TOP1: variants seen among roughly 807,000 people sequenced by gnomAD.
The protein encoded by TOP1 is DNA topoisomerase 1.
In TOP1, 10 loss-of-function variants were observed where a neutral mutation model predicts 111.1. That is an observed-to-expected ratio of 0.09 (90% CI 0.06 to 0.15). TOP1 has a LOEUF of 0.15. Ranked by LOEUF, TOP1 falls within the 10% of genes least tolerant of loss-of-function variation. The pLI is 1.00. For synonymous variants in TOP1, 271 were observed against 302.9 expected (o/e 0.89, Z 1.10); for missense variants, 474 against 926.7 (o/e 0.51, Z 6.34).
Position 41,101,258 on chromosome 20 carries a change from C to A in TOP1, c.1213C>A (p.Arg405=), listed in dbSNP as rs2145953059. The change falls in exon 13 of 21, where the codon CGG becomes AGG. Residue 405 remains arginine, a synonymous_variant. Transcript: ENST00000361337. The surrounding 1 kb of genome is among the most constrained non-coding windows in gnomAD (Gnocchi z 4.1). ...PPPGHKWKEV[R]HDNKVTWLVS... is the part of the protein sequence containing the mutation. ...TCCAGGACATAAGTGGAAAGAAGTC[C>A]GGCATGATAACAAGGTTACTTGGCT... 6.2e-7 allele frequency: 1 copy of A among 1,614,052 alleles called. No individual in the cohort carries two copies. Among genetic ancestry groups the A allele is most frequent in the African/African-American group, 1.3e-5 (1 of 75,022 alleles).
intron 13 of TOP1, among the ~76,000 whole-genome samples, chr20:41,111,523 G>T (rs759053098): frequency 6.6e-6 from 1 of 151,866 alleles, no homozygotes; most frequent in Non-Finnish European, 1.5e-5. Flanking sequence ...TTGAGAAGTG[G>T]AAGACATTCT....
rs2122586076 is a variant in TOP1, at chr20:41,034,887, T to C, written c.58+5432T>C. Among the ~76,000 whole-genome samples the C allele has an allele frequency of 6.6e-6, 1 of 152,264 alleles. No individual in the cohort carries two copies. The highest frequency in any genetic ancestry group is 2.4e-5 in the African/African-American group (1 of 41,546). ...AATTTTAACTTCTTTCCTTTACTTT[T>C]TTTTTGGGCGGGGTGGGGGGCAGAC... On this transcript the variant is annotated intron_variant, in intron 2 of 20. Transcript: ENST00000361337. The surrounding 1 kb of genome is among the most constrained non-coding windows in gnomAD (Gnocchi z 4.0).
rs763505646 is a variant in TOP1, at chr20:41,081,156, C to T, written c.432-9C>T. On this transcript the variant is annotated splice_polypyrimidine_tract_variant and intron_variant, in intron 6 of 20. Transcript: ENST00000361337. ...TATGTTAACTGTGTATTCATGTTCC[C>T]CTTTCTAGTGCTGATTATAAACCTA... 8.2e-6 allele frequency: 13 copies of T among 1,588,726 alleles called. No individual in the cohort carries two copies. The highest frequency in any genetic ancestry group is 1.4e-5 in the African/African-American group (1 of 73,406).
intron 2 of TOP1, among the ~76,000 whole-genome samples, chr20:41,035,046 C>T (rs1174629247): frequency 2.6e-5 from 4 of 152,028 alleles, no homozygotes; most frequent in Admixed American, 6.6e-5. Context: ...CATGTCACCA[C>T]GCCGGGCTAA....
chr20:41,099,420 C>T (rs565915233), intron 11 of TOP1, among the ~76,000 whole-genome samples: 1 of 152,174 alleles, frequency 6.6e-6, no homozygotes, highest in African/African-American at 2.4e-5. Context: ...GCCAAGGACA[C>T]CTGCTGCCAG....
Position 41,029,025 on chromosome 20 carries a change from C to G in TOP1, c.-43C>G, listed in dbSNP as rs753416722. 3.3e-6 allele frequency: 5 copies of G among 1,533,416 alleles called. 1 individual carries two copies. The highest frequency in any genetic ancestry group is 4.4e-6 in the Non-Finnish European group (5 of 1,142,966). The allele number at this position is 1,533,416 out of a possible 1,614,324, so 95.0% of individuals were successfully genotyped here. On this transcript the variant is annotated 5_prime_UTR_variant, in exon 1 of 21. Transcript: ENST00000361337. This position sits in a 1 kb window ranked among gnomAD's most constrained non-coding sequence, Gnocchi z 6.1. ...GCCGGTTCGCCGTCTGCGTCTCCCC[C>G]ACGCCGCCTCGCCTGCCGCCGCGCT... is the stretch of plus-strand genomic sequence containing the variant.
intron 17 of TOP1, among the ~76,000 whole-genome samples, chr20:41,117,380 ATTTTT>A (rs1192075214): frequency 8.2e-5 from 7 of 85,530 alleles, no homozygotes; most frequent in Admixed American, 1.5e-4. Context: ...CTGTGGCTTA[ATTTTT>A]TTTTTTTTTT....
intron 13 of TOP1, among the ~76,000 whole-genome samples, chr20:41,105,251 CTTG>C (rs903937423): frequency 9.9e-5 from 15 of 152,198 alleles, no homozygotes; most frequent in African/African-American, 3.4e-4. Flanking sequence ...TAATTTAAAA[CTTG>C]TTTTTAGTTT....
At chr20:41,113,936 AT>A in intron 14 of TOP1, 33 bp from the exon 15 acceptor site, 4 of 1,547,336 alleles carry the variant, frequency 2.6e-6, no homozygotes, top group Non-Finnish European at 3.5e-6. Context: ...TGTCTCTTCC[AT>A]TCATGCTCAT....
intron 2 of TOP1, among the ~76,000 whole-genome samples, chr20:41,043,355 C>G (rs1206898929): frequency 6.6e-6 from 1 of 152,192 alleles, no homozygotes; most frequent in Non-Finnish European, 1.5e-5. Context: ...ATTACTTGTG[C>G]TTTCTTACAG....
At chr20:41,053,923 G>A (rs538970944) in intron 2 of TOP1, among the ~76,000 whole-genome samples, 80 of 152,186 alleles carry the variant, frequency 5.3e-4, no homozygotes, top group African/African-American at 1.8e-3. Context: ...GAGGGAGTGT[G>A]TGAGTTTGTT....
intron 8 of TOP1, among the ~76,000 whole-genome samples, chr20:41,087,273 A>G (rs2033860809): frequency 6.6e-6 from 1 of 152,206 alleles, no homozygotes; most frequent in African/African-American, 2.4e-5. Flanking sequence ...GGGTTCATAC[A>G]TGAAATCCTG....
At chr20:41,040,492 G>A (rs2033248601) in intron 2 of TOP1, among the ~76,000 whole-genome samples, 1 of 152,088 alleles carries the variant, frequency 6.6e-6, no homozygotes, top group Non-Finnish European at 1.5e-5. Context: ...GGAGGAGAAG[G>A]AACACAAATT....
At chr20:41,089,017 G>GTTTTTTTTTTTT (rs1290740653) in intron 8 of TOP1, among the ~76,000 whole-genome samples, 1 of 69,268 alleles carries the variant, frequency 1.4e-5, no homozygotes, top group Non-Finnish European at 2.6e-5. Context: ...TGTTGCCCCA[G>GTTTTTTTTTTTT]TTCTTTTTTT....
intron 3 of TOP1, among the ~76,000 whole-genome samples, chr20:41,063,655 A>C (rs1420288329): frequency 3.9e-5 from 6 of 152,090 alleles, no homozygotes; most frequent in African/African-American, 1.4e-4. Context: ...ATGATATCTC[A>C]TTGTGGTTTT....
intron 2 of TOP1, among the ~76,000 whole-genome samples, chr20:41,043,923 G>A (rs1398911437): frequency 1.3e-5 from 2 of 152,322 alleles, no homozygotes; most frequent in South Asian, 4.1e-4. Context: ...GAAAGAAGAT[G>A]CATTTGTAGT....
chr20:41,039,391 G>A (rs2033231022), intron 2 of TOP1, among the ~76,000 whole-genome samples: 1 of 152,128 alleles, frequency 6.6e-6, no homozygotes, highest in Non-Finnish European at 1.5e-5. Flanking sequence ...AGTCCTAATC[G>A]TGAGTTTTTC....
In TOP1 at chr20:41,078,839, T is replaced by C. The variant is rs2033757734; in HGVS notation, c.335+1202T>C. On this transcript the variant is annotated intron_variant, in intron 5 of 20. Transcript: ENST00000361337. The surrounding 1 kb of genome is among the most constrained non-coding windows in gnomAD (Gnocchi z 5.3). ...GACTCCTTGCTGGCTTGTGTATATG[T>C]CTTTGTAGAGAATCCAGATGCTTCA... 2.0e-5 allele frequency among the ~76,000 whole-genome samples: 3 copies of C among 152,200 alleles called. No individual in the cohort carries two copies. Among genetic ancestry groups the C allele is most frequent in the Admixed American group, 6.5e-5 (1 of 15,274 alleles).
rs774970336 is a variant in TOP1 at position 41,114,791 on chromosome 20, G to A, written c.1639-580G>A. 2.2e-4 allele frequency among the ~76,000 whole-genome samples: 33 copies of A among 152,252 alleles called. No individual in the cohort carries two copies. Among genetic ancestry groups the A allele is most frequent in the Middle Eastern group, 3.4e-3 (1 of 294 alleles). ...CCAACCTAATCTTTTCCATAGTATT[G>A]GGCTTGAACCAGAGACTTACAGTGT... On this transcript the variant is annotated intron_variant, in intron 15 of 20. Coordinates refer to ENST00000361337, the MANE Select transcript of TOP1 (RefSeq NM_003286.4). This position sits in a 1 kb window ranked among gnomAD's most constrained non-coding sequence, Gnocchi z 4.5.
Sources: allele counts gnomAD v4.1 joint callset (sites outside exome capture counted in the v4.1 genomes callset), GRCh38; gene constraint gnomAD v4.1.1; non-coding constraint Gnocchi (gnomAD v3.1); transcripts MANE v1.5; gene names NCBI Gene and HGNC (gene_info 2026-07-23, HGNC 2026-07-21).